ENTHD1: variants seen among roughly 807,000 people sequenced by gnomAD.
ENTHD1 encodes the protein ENTH domain-containing protein 1.
Under a neutral mutation model 39.1 loss-of-function variants are expected in ENTHD1, and 23 were observed. The ratio of observed to expected loss-of-function variants is 0.59; its 90% CI spans 0.42 to 0.83. ENTHD1 has a LOEUF of 0.83. Among genes scored for constraint, ENTHD1 ranks in the 40% least tolerant of loss-of-function variants. The probability of loss-of-function intolerance (pLI) is 0.00; values close to 1 mark genes in which losing one functional copy is unlikely to be tolerated. For missense variants in ENTHD1, 624 were observed against 705.4 expected (o/e 0.88, Z 1.31); for synonymous variants, 230 against 258.2 (o/e 0.89, Z 1.05).
intron 5 of ENTHD1, among the ~76,000 whole-genome samples, chr22:39,803,079 C>A (rs764344840): frequency 2.0e-5 from 3 of 152,182 alleles, no homozygotes; most frequent in Non-Finnish European, 4.4e-5. Flanking sequence ...TTCTATCCCT[C>A]CTCTGCTTCT....
At chr22:39,795,033 T>A (rs902859376) in intron 5 of ENTHD1, among the ~76,000 whole-genome samples, 2 of 152,190 alleles carry the variant, frequency 1.3e-5, no homozygotes, top group Non-Finnish European at 2.9e-5. Flanking sequence ...AATATGGCAT[T>A]TGTCCTTCAT....
In ENTHD1 at chr22:39,768,434, A is replaced by G. The variant is rs117092249; in HGVS notation, c.833-2825T>C. On this transcript the variant is annotated intron_variant, in intron 5 of 6. Transcript: ENST00000325157. ...ACAGGGCTCTTGACCATCACCACTG[A>G]TTCCCCATCCTGGAATACCCTCTTC... Among the ~76,000 whole-genome samples, 465 of 152,084 alleles carry G rather than the reference A, an allele frequency of 3.1e-3. 17 individuals carry two copies. In the East Asian group the frequency reaches 0.08, roughly 26 times the overall value.
intron 3 of ENTHD1, among the ~76,000 whole-genome samples, chr22:39,857,880 G>C (rs1313078341): frequency 6.6e-6 from 1 of 152,152 alleles, no homozygotes; most frequent in Admixed American, 6.5e-5. Context: ...ACAATCATCT[G>C]AGCCTTCAGC....
chr22:39,804,502 C>T (rs34268414), intron 5 of ENTHD1, among the ~76,000 whole-genome samples: 4,076 of 151,834 alleles, frequency 0.027, 183 homozygotes, highest in African/African-American at 0.093. Context: ...TTCTCAATAT[C>T]CCATTTCCCT....
chr22:39,814,859 C>T (rs1273113296), intron 5 of ENTHD1, among the ~76,000 whole-genome samples: 1 of 151,972 alleles, frequency 6.6e-6, no homozygotes, highest in East Asian at 1.9e-4. Flanking sequence ...TAAAATAACA[C>T]AAGATACATA....
At chr22:39,763,497 C>T (rs1321098868) in intron 6 of ENTHD1, among the ~76,000 whole-genome samples, 3 of 152,236 alleles carry the variant, frequency 2.0e-5, no homozygotes, top group Non-Finnish European at 2.9e-5. Flanking sequence ...GGAAAGCCTA[C>T]GCCTCTGATT....
chr22:39,818,985 G>A (rs2065756411), intron 5 of ENTHD1, among the ~76,000 whole-genome samples: 1 of 152,122 alleles, frequency 6.6e-6, no homozygotes, highest in South Asian at 2.1e-4. Context: ...TAGGTGAATG[G>A]ATAAATAAAC....
At chr22:39,816,509 C>G (rs527881206) in intron 5 of ENTHD1, among the ~76,000 whole-genome samples, 6 of 152,124 alleles carry the variant, frequency 3.9e-5, no homozygotes, top group Non-Finnish European at 8.8e-5. Flanking sequence ...GAAAAGTGAA[C>G]CAATGGAATA....
intron 2 of ENTHD1, chr22:39,874,346 G>T (rs2066269241): frequency 6.6e-6 from 1 of 152,096 alleles, no homozygotes; most frequent in African/African-American, 2.4e-5. Flanking sequence ...TTGTTTGGAG[G>T]TCCTAAAAAG....
At chr22:39,827,085 G>A (rs1455329176) in intron 4 of ENTHD1, among the ~76,000 whole-genome samples, 4 of 149,632 alleles carry the variant, frequency 2.7e-5, no homozygotes, top group African/African-American at 7.4e-5. Context: ...GCGCGATCTC[G>A]GCTCACTGCA....
chr22:39,807,681 G>A (rs1475930645), intron 5 of ENTHD1, among the ~76,000 whole-genome samples: 1 of 152,158 alleles, frequency 6.6e-6, no homozygotes, highest in Non-Finnish European at 1.5e-5. Flanking sequence ...ATTCTGCGTA[G>A]TAGGCAAAAT....
intron 2 of ENTHD1, among the ~76,000 whole-genome samples, chr22:39,885,981 TG>T (rs1170257701): frequency 6.6e-6 from 1 of 152,120 alleles, no homozygotes; most frequent in Non-Finnish European, 1.5e-5. Flanking sequence ...AAAATTATAC[TG>T]TAATACACCA....
intron 5 of ENTHD1, among the ~76,000 whole-genome samples, chr22:39,804,201 A>G (rs1047307803): frequency 4.0e-5 from 6 of 150,464 alleles, no homozygotes; most frequent in African/African-American, 1.2e-4. Flanking sequence ...AAACAAAAGA[A>G]AAGGCTGAGT....
At chr22:39,863,317 T>C (rs957330507) in intron 2 of ENTHD1, among the ~76,000 whole-genome samples, 1 of 152,158 alleles carries the variant, frequency 6.6e-6, no homozygotes, top group Non-Finnish European at 1.5e-5. Context: ...GGGAGAGCAA[T>C]TGGCTTTTCT....
intron 1 of ENTHD1, among the ~76,000 whole-genome samples, chr22:39,888,105 T>C (rs1044307144): frequency 6.6e-6 from 1 of 152,052 alleles, no homozygotes; most frequent in East Asian, 1.9e-4. Flanking sequence ...TAAAGAAATA[T>C]AGGTTGTCTT....
chr22:39,868,302 G>A (rs2066206689), intron 2 of ENTHD1, among the ~76,000 whole-genome samples: 1 of 150,838 alleles, frequency 6.6e-6, no homozygotes, highest in Admixed American at 6.6e-5. Flanking sequence ...GTACAGGAGG[G>A]AGTCTAGAAG....
intron 2 of ENTHD1, among the ~76,000 whole-genome samples, chr22:39,868,480 A>G (rs2066208949): frequency 6.6e-6 from 1 of 152,220 alleles, no homozygotes; most frequent in South Asian, 2.1e-4. Context: ...AAGTCAGCCA[A>G]TGAAATCAGC....
intron 3 of ENTHD1, among the ~76,000 whole-genome samples, chr22:39,857,070 A>G (rs1203363548): frequency 6.6e-6 from 1 of 152,144 alleles, no homozygotes; most frequent in Non-Finnish European, 1.5e-5. Context: ...ACTTTTTTAA[A>G]ATAGTCAAGT....
intron 3 of ENTHD1, among the ~76,000 whole-genome samples, chr22:39,853,521 ACT>A (rs1299034263): frequency 1.3e-5 from 2 of 152,012 alleles, no homozygotes; most frequent in African/African-American, 2.4e-5. Flanking sequence ...ACAGAGTGAG[ACT>A]CTGTCTCAAA....
Sources: allele counts gnomAD v4.1 joint callset (sites outside exome capture counted in the v4.1 genomes callset), GRCh38; gene constraint gnomAD v4.1.1; transcripts MANE v1.5; gene names NCBI Gene and HGNC (gene_info 2026-07-23, HGNC 2026-07-21).